CEP43: variants seen among roughly 807,000 people sequenced by gnomAD.
CEP43 encodes the protein FGFR1 oncogene partner.
CEP43 carries 36 observed loss-of-function variants against 52.6 expected under a neutral mutation model. The ratio of observed to expected loss-of-function variants is 0.68; its 90% CI spans 0.52 to 0.90. The LOEUF (loss-of-function observed/expected upper bound fraction) is 0.90, where lower values mean the gene tolerates loss of function less well. CEP43 is among the 40% of genes least tolerant of loss of function. CEP43 has a pLI of 0.00. For synonymous variants in CEP43, 192 were observed against 172.4 expected, an observed-to-expected ratio of 1.11 and a Z score of -0.89; for missense variants, 506 against 472.8, an observed-to-expected ratio of 1.07 and a Z score of -0.65.
intron 2 of CEP43, among the ~76,000 whole-genome samples, chr6:167,001,551 A>G (rs1779737001): frequency 6.6e-6 from 1 of 151,874 alleles, no homozygotes; most frequent in African/African-American, 2.4e-5. Context: ...TCATCCAGTA[A>G]CTCCAGCCCT....
rs1261785228 is a variant in CEP43, at chr6:167,040,779, T to G, written c.*801T>G. 9.9e-7 allele frequency: 1 copy of G among 1,012,292 alleles called. No individual in the cohort carries two copies. Among genetic ancestry groups the G allele is most frequent in the African/African-American group, 1.7e-5 (1 of 58,592 alleles). The allele number at this position is 1,012,292 out of a possible 1,614,324, so 62.7% of individuals were successfully genotyped here. On this transcript the variant is annotated 3_prime_UTR_variant, in exon 13 of 13. Coordinates refer to ENST00000366847, the MANE Select transcript of CEP43 (RefSeq NM_007045.4). The stretch of plus-strand genomic sequence containing the variant: ...GCATCTGAAACCATTAAGCAGTGCT[T>G]TTATTTCAGATCTGTAAGTTAATTG...
chr6:167,021,369 T>G (rs927926658), intron 7 of CEP43, among the ~76,000 whole-genome samples: 2 of 152,246 alleles, frequency 1.3e-5, no homozygotes, highest in Non-Finnish European at 2.9e-5. Context: ...CATCAATGTC[T>G]GTCTCTGTGT....
intron 1 of CEP43, 24 bp downstream of exon 1, chr6:166,999,538 G>T (rs1583262539): frequency 1.4e-6 from 2 of 1,387,046 alleles, no homozygotes; most frequent in East Asian, 3.1e-5. Flanking sequence ...CTGGGGCCGG[G>T]CCTGGCGGAT....
At chr6:167,036,067 C>T (rs1780579570) in intron 12 of CEP43, 1 of 985,038 alleles carries the variant, frequency 1.0e-6, no homozygotes, top group African/African-American at 1.7e-5. Flanking sequence ...CTTCTTCCCT[C>T]AAATTTATGC....
At position 167,003,230 on chromosome 6, in the gene CEP43, T is replaced by G. The variant is rs755989873; in HGVS notation, c.194T>G (p.Phe65Cys). ...TTAGTTAATGAGAGCCTGAAAAAGTTTTTAAATACCAAAGACGGTAAGATG... is the reference window on the plus strand; with the variant it reads ...TTAGTTAATGAGAGCCTGAAAAAGTGTTTAAATACCAAAGACGGTAAGATG... Reference protein sequence around the residue: ...TPLVNESLKKFLNTKDGRLVA... With the variant: ...TPLVNESLKKCLNTKDGRLVA... Residue 65 changes from phenylalanine (F) to cysteine (C), a missense_variant, in exon 3 of 13, where the codon TTT becomes TGT. Physicochemically the swap from Phe to Cys is radical, Grantham distance 205. Coordinates refer to ENST00000366847, the MANE Select transcript of CEP43 (RefSeq NM_007045.4). 1 of 1,509,948 alleles carries G rather than the reference T, an allele frequency of 6.6e-7. No individual in the cohort carries two copies. The highest frequency in any genetic ancestry group is 1.3e-5 in the South Asian group (1 of 78,888). 93.5% of individuals were successfully genotyped at this position (1,509,948 alleles called of 1,614,324 possible). A position where few individuals can be genotyped will look rare whatever the true frequency, so the allele number is the denominator to read the frequency against.
At chr6:167,019,319 C>G (rs954569948) in intron 7 of CEP43, among the ~76,000 whole-genome samples, 1 of 150,692 alleles carries the variant, frequency 6.6e-6, no homozygotes, top group Admixed American at 6.6e-5. Context: ...GCTGTGCACA[C>G]GGGTACACCT....
chr6:167,013,464 G>T, intron 6 of CEP43, 44 bp from the exon 7 acceptor site: 1 of 1,504,188 alleles, frequency 6.6e-7, no homozygotes, highest in East Asian at 2.3e-5. Context: ...ATTTTTTAAA[G>T]ATTTCTATTT....
In CEP43 at chr6:167,044,657, A is replaced by G; in HGVS notation, c.*4679A>G. On this transcript the variant is annotated 3_prime_UTR_variant, in exon 13 of 13. Coordinates refer to ENST00000366847, the MANE Select transcript of CEP43 (RefSeq NM_007045.4). ...AAATGAATCTTGCTGCCCTTAGAAA[A>G]TGAACCCCCGAACAAGGTAAGGTCG... The G allele has an allele frequency of 1.5e-6, 1 of 683,580 alleles. No individual in the cohort carries two copies. 42.3% of individuals were successfully genotyped at this position (683,580 alleles called of 1,614,324 possible).
chr6:167,034,494 TC>T (rs1583291693), intron 12 of CEP43, among the ~76,000 whole-genome samples: 1 of 152,222 alleles, frequency 6.6e-6, no homozygotes, highest in East Asian at 1.9e-4. Flanking sequence ...GAACAGAAGA[TC>T]CTTCGATGGT....
chr6:167,041,844 G>GGGGGGCC lies in CEP43; in HGVS notation c.*1866_*1867insGGGGGCC. ...TCTTTTTTTTGCGGGGGGCGGGGGG[G>GGGGGGCC]ACAGAGTCTCACTGTGTCACTCAGA... On this transcript the variant is annotated 3_prime_UTR_variant, in exon 13 of 13. Coordinates refer to ENST00000366847, the MANE Select transcript of CEP43 (RefSeq NM_007045.4). 4.1e-5 allele frequency: 6 copies of GGGGGGCC among 144,926 alleles called. No individual in the cohort carries two copies. The highest frequency in any genetic ancestry group is 7.5e-5 in the Non-Finnish European group (6 of 80,396). 9.0% of individuals were successfully genotyped at this position (144,926 alleles called of 1,614,324 possible).
intron 7 of CEP43, 112 bp from the exon 8 acceptor site, chr6:167,022,297 A>ACACAC: frequency 3.3e-6 from 2 of 600,968 alleles, no homozygotes; most frequent in East Asian, 3.0e-5. Context: ...CACACACACA[A>ACACAC]AGGTTGCACA....
At chr6:167,039,817 A>C (rs1214463590) in intron 12 of CEP43, 87 bp from the exon 13 acceptor site, 12 of 1,343,384 alleles carry the variant, frequency 8.9e-6, no homozygotes, top group Non-Finnish European at 1.3e-5. Context: ...GTAAGGTGGT[A>C]TCTCATTGTG....
At position 167,041,762 on chromosome 6, in the gene CEP43, T is replaced by G. The variant is rs2128669565; in HGVS notation, c.*1784T>G. 1 of 1,020,460 alleles carries G rather than the reference T, an allele frequency of 9.8e-7. No homozygotes were observed. The highest frequency in any genetic ancestry group is 4.6e-5 in the South Asian group (1 of 21,554). 63.2% of individuals were successfully genotyped at this position (1,020,460 alleles called of 1,614,324 possible). A position where few individuals can be genotyped will look rare whatever the true frequency, so the allele number is the denominator to read the frequency against. ...AGAGAATCAGACCTTTTGATAATATTTGGGAGGGTAAAAGAAATATGCCAA... is the reference window on the plus strand; with the variant it reads ...AGAGAATCAGACCTTTTGATAATATGTGGGAGGGTAAAAGAAATATGCCAA... On this transcript the variant is annotated 3_prime_UTR_variant, in exon 13 of 13. Coordinates refer to ENST00000366847, the MANE Select transcript of CEP43 (RefSeq NM_007045.4).
At chr6:167,002,353 T>TA (rs1401122687) in intron 2 of CEP43, among the ~76,000 whole-genome samples, 1 of 152,228 alleles carries the variant, frequency 6.6e-6, no homozygotes, top group Non-Finnish European at 1.5e-5. Context: ...ATTGTACAGA[T>TA]ATGACAGTTT....
chr6:167,032,989 A>G (rs1780502806), intron 11 of CEP43, among the ~76,000 whole-genome samples: 1 of 151,632 alleles, frequency 6.6e-6, no homozygotes, highest in Admixed American at 6.6e-5. Context: ...TGTGGCGGGA[A>G]TTGTCTCAAA....
At chr6:167,027,587 C>G (rs1467271042) in intron 10 of CEP43, among the ~76,000 whole-genome samples, 2 of 152,176 alleles carry the variant, frequency 1.3e-5, no homozygotes. Flanking sequence ...ATGCCCTTCC[C>G]TCTTCTGGAG....
At chr6:167,019,633 A>G (rs1284327302) in intron 7 of CEP43, among the ~76,000 whole-genome samples, 4 of 152,236 alleles carry the variant, frequency 2.6e-5, no homozygotes, top group South Asian at 2.1e-4. Flanking sequence ...TAAGAGAACT[A>G]TATTTTTAAA....
intron 9 of CEP43, among the ~76,000 whole-genome samples, chr6:167,026,345 A>T (rs1345928991): frequency 6.8e-6 from 1 of 146,162 alleles, no homozygotes; most frequent in Non-Finnish European, 1.5e-5. Context: ...CCTGAGTGAC[A>T]GTGATGAGAC....
intron 7 of CEP43, among the ~76,000 whole-genome samples, chr6:167,020,660 GCA>G (rs919279240): frequency 2.0e-5 from 3 of 152,298 alleles, no homozygotes. Flanking sequence ...TGTAATCCCA[GCA>G]CTTTGGGAGG....
Sources: gnomAD v4.1 joint callset for allele counts (sites outside exome capture counted in the v4.1 genomes callset) on GRCh38, gnomAD v4.1.1 for gene constraint, MANE v1.5 for transcripts, NCBI Gene and HGNC (gene_info 2026-07-23, HGNC 2026-07-21) for gene names.